Variants in PHEX observed in about 807,000 individuals in gnomAD.
PHEX encodes phosphate regulating endopeptidase X-linked.
PHEX carries 16 observed loss-of-function variants against 68.0 expected under a neutral mutation model. The ratio of observed to expected loss-of-function variants is 0.24; its 90% CI spans 0.16 to 0.36. PHEX has a LOEUF of 0.36. PHEX is among the 10% of genes least tolerant of loss of function. PHEX has a pLI of 1.00. For synonymous variants in PHEX, 208 were observed against 205.1 expected, an observed-to-expected ratio of 1.01 and a Z score of -0.12; for missense variants, 480 against 575.5, an observed-to-expected ratio of 0.83 and a Z score of 1.70.
At chrX:22,225,653 ATAAG>A (rs960248467) in intron 18 of PHEX, among the ~76,000 whole-genome samples, 2 of 112,469 alleles carry the variant, frequency 1.8e-5, no homozygotes, top group Non-Finnish European at 3.7e-5. Context: ...TGAATTTCAT[ATAAG>A]TAATTTTCAT....
At chrX:22,042,932 G>T (rs906340052) in intron 2 of PHEX, among the ~76,000 whole-genome samples, 8 of 112,474 alleles carry the variant, frequency 7.1e-5, no homozygotes, top group African/African-American at 2.6e-4. Context: ...GCAAGATGGG[G>T]GCCTGATCTC....
At position 22,130,292 on chromosome X, in the gene PHEX, C is replaced by A. The variant is rs142835119; in HGVS notation, c.1303-3231C>A. ...TGGTGGCTCACGCCTGTAATCCCAG[C>A]ACTTTGGGAGACTGAGGCGGGTGGA... On this transcript the variant is annotated intron_variant, in intron 11 of 21. Transcript: ENST00000379374. Among the ~76,000 whole-genome samples the A allele has an allele frequency of 5.4e-3, 601 of 111,740 alleles. 1 individual carries two copies. The highest frequency in any genetic ancestry group is 9.0e-3 in the Non-Finnish European group (480 of 53,125).
intron 8 of PHEX, chrX:22,097,581 A>C (rs2147044553): frequency 6.7e-6 from 1 of 150,107 alleles, no homozygotes; most frequent in East Asian, 2.7e-4. Context: ...ATTGGGTCAC[A>C]TGGCCACTCC....
chrX:22,214,748 G>T (rs1429660461), intron 16 of PHEX, among the ~76,000 whole-genome samples: 2 of 111,873 alleles, frequency 1.8e-5, no homozygotes, highest in Admixed American at 1.9e-4. Context: ...TGTCAGATTG[G>T]TGTGCTCAAA....
intron 12 of PHEX, among the ~76,000 whole-genome samples, chrX:22,136,433 G>C (rs1011165603): frequency 3.6e-5 from 4 of 111,995 alleles, no homozygotes; most frequent in African/African-American, 1.3e-4. Flanking sequence ...GGCATGTGTT[G>C]TATGCAGTGT....
At chrX:22,153,817 C>T (rs1932897382) in intron 12 of PHEX, among the ~76,000 whole-genome samples, 1 of 111,973 alleles carries the variant, frequency 8.9e-6, no homozygotes, top group Non-Finnish European at 1.9e-5. Context: ...TGCTTTCAAA[C>T]TGGATTGCGT....
intron 12 of PHEX, among the ~76,000 whole-genome samples, chrX:22,160,953 A>T (rs1602347215): frequency 9.1e-6 from 1 of 109,686 alleles, no homozygotes; most frequent in South Asian, 4.1e-4. Flanking sequence ...GGCCAACATG[A>T]TGAAACTCCG....
chrX:22,122,644 G>A (rs1931536176), intron 11 of PHEX, among the ~76,000 whole-genome samples: 1 of 111,894 alleles, frequency 8.9e-6, no homozygotes, highest in Non-Finnish European at 1.9e-5. Context: ...TTGACAATAA[G>A]CAGTTACTGC....
rs963545071 is a variant in PHEX, at chrX:22,218,366, G to T, written c.1701-670G>T. The stretch of plus-strand genomic sequence containing the variant: ...AGATTGTCTCTTGATGGGAGGAGGG[G>T]CTATGTGCATTCAGGGGTAGGGAGA... On this transcript the variant is annotated intron_variant, in intron 16 of 21. Coordinates refer to ENST00000379374, the MANE Select transcript of PHEX (RefSeq NM_000444.6). Among the ~76,000 whole-genome samples the T allele has an allele frequency of 3.6e-5, 4 of 111,451 alleles. No individual in the cohort carries two copies. The Middle Eastern group carries it at 0.014, about 382-fold the overall frequency.
chrX:22,235,615 T>A, intron 20 of PHEX, among the ~76,000 whole-genome samples: 1 of 111,445 alleles, frequency 9.0e-6, no homozygotes, highest in Non-Finnish European at 1.9e-5. Context: ...TCCACCCTCA[T>A]GATTTAATTG....
At chrX:22,125,240 C>T (rs899111915) in intron 11 of PHEX, among the ~76,000 whole-genome samples, 5 of 111,477 alleles carry the variant, frequency 4.5e-5, no homozygotes, top group East Asian at 2.8e-4. Flanking sequence ...TTATTAACAA[C>T]GATTTCCATT....
chrX:22,076,047 G>T (rs181494967), intron 3 of PHEX, among the ~76,000 whole-genome samples: 1 of 112,372 alleles, frequency 8.9e-6, no homozygotes, highest in Admixed American at 9.5e-5. Flanking sequence ...ACAGAATTCA[G>T]TTATTTTTGG....
chrX:22,043,718 T>C (rs1927389744), intron 2 of PHEX, among the ~76,000 whole-genome samples: 1 of 111,888 alleles, frequency 8.9e-6, no homozygotes, highest in South Asian at 3.7e-4. Context: ...CAGAGGCTGG[T>C]ATTTAGGGAG....
At chrX:22,096,934 A>T in intron 7 of PHEX, 21 bp from the exon 8 acceptor site, 1 of 1,149,217 alleles carries the variant, frequency 8.7e-7, no homozygotes, top group Non-Finnish European at 1.2e-6. Flanking sequence ...AAAAAAAATA[A>T]CAAAAATCTC....
intron 15 of PHEX, among the ~76,000 whole-genome samples, chrX:22,198,678 C>G (rs757472414): frequency 9.0e-6 from 1 of 111,336 alleles, no homozygotes; most frequent in Non-Finnish European, 1.9e-5. Context: ...GAAGAGACAG[C>G]AAAGGGAGTG....
chrX:22,149,634 A>T (rs747575671), intron 12 of PHEX, among the ~76,000 whole-genome samples: 1 of 112,343 alleles, frequency 8.9e-6, no homozygotes, highest in African/African-American at 3.2e-5. Flanking sequence ...CCTGCCTGTA[A>T]TTCCAGCTAC....
intron 20 of PHEX, among the ~76,000 whole-genome samples, chrX:22,231,685 G>GTCTA (rs766280790): frequency 4.5e-5 from 5 of 111,155 alleles, no homozygotes; most frequent in East Asian, 2.8e-4. Flanking sequence ...CTTGCTAGTG[G>GTCTA]TCTATCTGTG....
At chrX:22,081,328 C>T (rs1929384736) in intron 5 of PHEX, among the ~76,000 whole-genome samples, 1 of 111,576 alleles carries the variant, frequency 9.0e-6, no homozygotes, top group Non-Finnish European at 1.9e-5. Flanking sequence ...CCCATTCCTT[C>T]TCAGATCCTG....
chrX:22,094,022 G>A lies in PHEX; in HGVS notation c.772G>A (p.Val258Met), dbSNP rs1414159605. The change falls in exon 7 of 22, where the codon GTG becomes ATG. Residue 258 changes from valine (V) to methionine (M), a missense_variant. By Grantham distance (21) the Val-to-Met change is conservative. Transcript: ENST00000379374. ...TTACAAGTTCATGGTGGATACTGCC[G>A]TGCTTTTAGGAGCTAACAGTTCCAG... ...ALYKFMVDTAVLLGANSSRAE... is the reference protein window; with the variant it reads ...ALYKFMVDTAMLLGANSSRAE... The A allele has an allele frequency of 9.1e-6, 11 of 1,202,189 alleles. No individual in the cohort carries two copies. Among genetic ancestry groups the A allele is most frequent in the South Asian group, 7.1e-5 (4 of 56,613 alleles).
Sources: gnomAD v4.1 joint callset for allele counts (sites outside exome capture counted in the v4.1 genomes callset) on GRCh38, gnomAD v4.1.1 for gene constraint, MANE v1.5 for transcripts, NCBI Gene and HGNC (gene_info 2026-07-23, HGNC 2026-07-21) for gene names.